The following DOCK4 variants were observed in gnomAD, a reference collection of about 807,000 sequenced individuals.
DOCK4 encodes dedicator of cytokinesis protein 4.
A neutral mutation model predicts 268.1 loss-of-function variants in DOCK4; 97 were observed. The ratio of observed to expected loss-of-function variants is 0.36; its 90% CI spans 0.31 to 0.43. DOCK4 has a LOEUF of 0.43. Ranked by LOEUF, DOCK4 falls within the 20% of genes least tolerant of loss-of-function variation. DOCK4 has a pLI of 1.00. For synonymous variants in DOCK4, 954 were observed against 887.2 expected (o/e 1.08, Z -1.34); for missense variants, 2,145 against 2,455.7 (o/e 0.87, Z 2.67).
In DOCK4 at chr7:112,093,808, T is replaced by C. The variant is rs140365221; in HGVS notation, c.38-89677A>G. Among the ~76,000 whole-genome samples, 119 of 151,712 alleles carry C rather than the reference T, an allele frequency of 7.8e-4. No homozygotes were observed. The East Asian group carries it at 0.022, about 27-fold the overall frequency. On this transcript the variant is annotated intron_variant, in intron 1 of 52. Coordinates refer to ENST00000428084, the MANE Select transcript of DOCK4 (RefSeq NM_001363540.2). ...GCCTTTTAAAAATTCTATAGAAATA[T>C]TGAGATAAAAAATTGATCCACCATA...
At position 111,741,606 on chromosome 7, in the gene DOCK4, C is replaced by A. The variant is rs746988311; in HGVS notation, c.4853G>T (p.Arg1618Leu). ...SPVHFPNGSP[R>L]VCRNSAPASV... is the part of the protein sequence containing the mutation. ...AGCAGGTGCTGAGTTTCTACACACA[C>A]GAGGGCTTCCATTAGGAAAATGGAC... The change falls in exon 46 of 53, where the codon CGT (arginine) becomes CTT (leucine). Residue 1618 changes from arginine (R) to leucine (L), a missense_variant. By Grantham distance (102) the Arg-to-Leu change is moderately radical (BLOSUM62 -2). Transcript: ENST00000428084. 3 of 1,613,558 alleles carry A rather than the reference C, an allele frequency of 1.9e-6. No individual in the cohort carries two copies. The highest frequency in any genetic ancestry group is 2.5e-6 in the Non-Finnish European group (3 of 1,179,744).
intron 36 of DOCK4, among the ~76,000 whole-genome samples, chr7:111,771,621 C>T (rs1186045452): frequency 6.6e-6 from 1 of 152,160 alleles, no homozygotes; most frequent in Admixed American, 6.5e-5. Context: ...TTTTAACAGG[C>T]ATCTAGTTTT....
rs533124622 is a variant in DOCK4 at position 111,837,178 on chromosome 7, T to C, written c.2737-2492A>G. Among the ~76,000 whole-genome samples, 16 of 151,466 alleles carry C rather than the reference T, an allele frequency of 1.1e-4. No homozygotes were observed. The South Asian group carries it at 3.1e-3, about 29-fold the overall frequency. On this transcript the variant is annotated intron_variant, in intron 25 of 52. Coordinates refer to ENST00000428084, the MANE Select transcript of DOCK4 (RefSeq NM_001363540.2). ...ACATAGAGAAGAACAAAGACAAAGATGAGAAAAGATTTCTCTTGGAAAGAA... is the reference window on the plus strand; with the variant it reads ...ACATAGAGAAGAACAAAGACAAAGACGAGAAAAGATTTCTCTTGGAAAGAA...
intron 13 of DOCK4, among the ~76,000 whole-genome samples, chr7:111,913,479 C>G (rs1299496669): frequency 2.1e-5 from 3 of 145,642 alleles, no homozygotes; most frequent in Non-Finnish European, 3.1e-5. Flanking sequence ...GCGCGATCTC[C>G]GCTCACTGCA....
intron 1 of DOCK4, among the ~76,000 whole-genome samples, chr7:112,186,593 G>C (rs1467317767): frequency 6.6e-6 from 1 of 152,108 alleles, no homozygotes; most frequent in Non-Finnish European, 1.5e-5. Context: ...TATAAAACAA[G>C]GTACTGCTTA....
chr7:111,791,768 T>C (rs1799567405), intron 30 of DOCK4, among the ~76,000 whole-genome samples: 2 of 151,990 alleles, frequency 1.3e-5, no homozygotes, highest in East Asian at 1.9e-4. Context: ...AAAATAGAGA[T>C]GGAGTCTCAC....
chr7:112,048,570 C>CAA (rs145384674), intron 1 of DOCK4, among the ~76,000 whole-genome samples: 21 of 144,100 alleles, frequency 1.5e-4, no homozygotes, highest in East Asian at 1.2e-3. Context: ...CTCAAAAAAA[C>CAA]AAAAAAAAAC....
chr7:112,161,134 C>T (rs1224984421), intron 1 of DOCK4, among the ~76,000 whole-genome samples: 1 of 152,134 alleles, frequency 6.6e-6, no homozygotes. Flanking sequence ...CTGGCGACCG[C>T]TAGTCAGTCT....
At chr7:111,846,305 T>C (rs1302841785) in intron 24 of DOCK4, among the ~76,000 whole-genome samples, 4 of 152,206 alleles carry the variant, frequency 2.6e-5, no homozygotes, top group Admixed American at 6.5e-5. Flanking sequence ...CAGTTGCATA[T>C]TGGCAGAAGT....
At chr7:112,120,752 A>G (rs1018806084) in intron 1 of DOCK4, among the ~76,000 whole-genome samples, 5 of 152,236 alleles carry the variant, frequency 3.3e-5, no homozygotes, top group African/African-American at 1.2e-4. Flanking sequence ...CAGGCTCATA[A>G]GCAATATATC....
chr7:112,150,608 C>A (rs951226693), intron 1 of DOCK4, among the ~76,000 whole-genome samples: 1 of 152,180 alleles, frequency 6.6e-6, no homozygotes, highest in Admixed American at 6.5e-5. Context: ...ATACCATTCA[C>A]AGATCTTCCC....
chr7:112,046,109 T>C (rs1450124748), intron 1 of DOCK4, among the ~76,000 whole-genome samples: 1 of 152,206 alleles, frequency 6.6e-6, no homozygotes, highest in Non-Finnish European at 1.5e-5. Context: ...ATCCTTATCA[T>C]TTGTGTTTGT....
At chr7:111,951,633 A>C (rs1421342214) in intron 8 of DOCK4, among the ~76,000 whole-genome samples, 2 of 149,728 alleles carry the variant, frequency 1.3e-5, no homozygotes. Context: ...ACATATTGGA[A>C]ACCCCATCGC....
Position 111,822,349 on chromosome 7 carries a change from T to C in DOCK4, c.2930+13A>G. 1.2e-6 allele frequency: 2 copies of C among 1,604,442 alleles called. No individual in the cohort carries two copies. Among genetic ancestry groups the C allele is most frequent in the Non-Finnish European group, 1.7e-6 (2 of 1,172,566 alleles). ...ACATTGAGCTGCAATTATCATCAAC[T>C]TAAATGTCTTACTTGTTAGCAACCA... On this transcript the variant is annotated intron_variant, in intron 27 of 52. Coordinates refer to ENST00000428084, the MANE Select transcript of DOCK4 (RefSeq NM_001363540.2).
intron 1 of DOCK4, among the ~76,000 whole-genome samples, chr7:112,022,522 T>A (rs1260882290): frequency 2.6e-5 from 4 of 152,178 alleles, no homozygotes; most frequent in African/African-American, 9.7e-5. Context: ...TCAAATCCCA[T>A]TCCTGCTACT....
chr7:111,803,814 A>G (rs1800470768), intron 30 of DOCK4, among the ~76,000 whole-genome samples: 1 of 152,192 alleles, frequency 6.6e-6, no homozygotes, highest in Non-Finnish European at 1.5e-5. Context: ...GAGGAATACC[A>G]TATTTAAGAA....
chr7:111,765,278 A>T (rs925229230), intron 38 of DOCK4, 56 bp from the exon 39 acceptor site: 30 of 970,412 alleles, frequency 3.1e-5, no homozygotes, highest in Non-Finnish European at 4.3e-5. Context: ...GTTCTATCAA[A>T]TTTATAGAAT....
intron 1 of DOCK4, among the ~76,000 whole-genome samples, chr7:112,065,295 C>T (rs531957317): frequency 6.6e-6 from 1 of 151,992 alleles, no homozygotes; most frequent in Non-Finnish European, 1.5e-5. Flanking sequence ...CAGCTGGAAG[C>T]CTCTTTTCCA....
intron 1 of DOCK4, among the ~76,000 whole-genome samples, chr7:112,094,955 G>A (rs1809976010): frequency 6.6e-6 from 1 of 152,194 alleles, no homozygotes; most frequent in African/African-American, 2.4e-5. Flanking sequence ...CCAGCACCAT[G>A]CTTCCTGTAC....
Sources: gnomAD v4.1 joint callset for allele counts (sites outside exome capture counted in the v4.1 genomes callset) on GRCh38, gnomAD v4.1.1 for gene constraint, MANE v1.5 for transcripts, NCBI Gene and HGNC (gene_info 2026-07-23, HGNC 2026-07-21) for gene names.